The following SYBU variants were observed in gnomAD, a reference collection of about 807,000 sequenced individuals.
The protein encoded by SYBU is syntabulin, also known as GOLSYN A protein.
In SYBU, 21 loss-of-function variants were observed where a neutral mutation model predicts 35.9. The ratio of observed to expected loss-of-function variants is 0.58; its 90% CI spans 0.41 to 0.84. SYBU has a LOEUF of 0.84. Ranked by LOEUF, SYBU falls within the 40% of genes least tolerant of loss-of-function variation. The pLI is 0.00. For missense variants in SYBU, 768 were observed against 848.2 expected (o/e 0.91, Z 1.17); for synonymous variants, 319 against 324.3 (o/e 0.98, Z 0.18).
chr8:109,648,205 C>T (rs1479278493), upstream of SYBU: 1 of 146,538 alleles, frequency 6.8e-6, no homozygotes, highest in East Asian at 2.0e-4. Flanking sequence ...ATATCAATTG[C>T]TTTAGGATTT....
rs377322482 is a variant in SYBU, at chr8:109,596,652, G to A, written c.428-10490C>T. Among the ~76,000 whole-genome samples, 20 of 152,220 alleles carry A rather than the reference G, an allele frequency of 1.3e-4. No individual in the cohort carries two copies. In the South Asian group the frequency reaches 2.9e-3, roughly 22 times the overall value. On this transcript the variant is annotated intron_variant, in intron 3 of 6. Transcript: ENST00000276646. ...CAATTTTCATTCAATATTATATTGC[G>A]AAAATTCTCCATATAGTTGTAGTGT...
chr8:109,654,270 C>T (rs1052825605), intron 1 of SYBU, among the ~76,000 whole-genome samples: 2 of 152,190 alleles, frequency 1.3e-5, no homozygotes, highest in Non-Finnish European at 2.9e-5. Flanking sequence ...AATCCCTACT[C>T]CACTCATGTA....
intron 3 of SYBU, chr8:109,603,353 T>C: frequency 1.0e-6 from 1 of 972,820 alleles, no homozygotes; most frequent in Non-Finnish European, 1.2e-6. Flanking sequence ...TGAAGCATAC[T>C]CACAATTGGA....
At chr8:109,614,543 G>A (rs1040912229) in intron 3 of SYBU, among the ~76,000 whole-genome samples, 9 of 152,216 alleles carry the variant, frequency 5.9e-5, no homozygotes, top group African/African-American at 2.2e-4. Flanking sequence ...CCTAAAAGCA[G>A]GGATGCTGTG....
At chr8:109,683,079 T>G (rs571939386), upstream of SYBU, among the ~76,000 whole-genome samples, 1 of 152,328 alleles carries the variant, frequency 6.6e-6, no homozygotes, top group South Asian at 2.1e-4. Flanking sequence ...GGGCAGAACA[T>G]TCATGGAAAA....
intron 1 of SYBU, among the ~76,000 whole-genome samples, chr8:109,669,225 C>G (rs906759397): frequency 4.0e-5 from 6 of 151,654 alleles, no homozygotes; most frequent in African/African-American, 1.5e-4. Context: ...ACCTGTAGTC[C>G]CAGCTACTCG....
intron 3 of SYBU, among the ~76,000 whole-genome samples, chr8:109,617,330 G>A (rs575069236): frequency 6.6e-6 from 1 of 152,282 alleles, no homozygotes; most frequent in South Asian, 2.1e-4. Flanking sequence ...ACTGGGGAAA[G>A]GGGGAACAGA....
At chr8:109,594,291 T>A (rs1297854759) in intron 3 of SYBU, among the ~76,000 whole-genome samples, 2 of 152,092 alleles carry the variant, frequency 1.3e-5, no homozygotes. Flanking sequence ...GGGCTAGGAT[T>A]TAAGTCTATG....
chr8:109,578,805 T>G (rs907150480), intron 5 of SYBU, among the ~76,000 whole-genome samples: 1 of 152,200 alleles, frequency 6.6e-6, no homozygotes, highest in Non-Finnish European at 1.5e-5. Context: ...TGCCACTGCC[T>G]AAAGATCCTG....
chr8:109,655,601 A>T (rs1404518536), intron 1 of SYBU, among the ~76,000 whole-genome samples: 1 of 152,204 alleles, frequency 6.6e-6, no homozygotes, highest in East Asian at 1.9e-4. Context: ...GAATTCAAAG[A>T]ATACTCTTTG....
chr8:109,690,363 C>T (rs1453809996), intron 1 of SYBU, among the ~76,000 whole-genome samples: 1 of 152,208 alleles, frequency 6.6e-6, no homozygotes, highest in Non-Finnish European at 1.5e-5. Flanking sequence ...GCAAACATTC[C>T]TAACATGTGC....
intron 2 of SYBU, among the ~76,000 whole-genome samples, chr8:109,627,166 T>C (rs1813080012): frequency 1.3e-5 from 2 of 152,176 alleles, no homozygotes; most frequent in African/African-American, 4.8e-5. Flanking sequence ...GGGGAAGTTA[T>C]TGCTAGTTTA....
chr8:109,576,061 A>AC (rs1822268264), intron 6 of SYBU, 48 bp from the exon 7 acceptor site: 1 of 1,496,152 alleles, frequency 6.7e-7, no homozygotes, highest in South Asian at 1.3e-5. Context: ...AAAAAAAAAA[A>AC]AAAAAAAAAC....
intron 2 of SYBU, among the ~76,000 whole-genome samples, chr8:109,630,183 A>G (rs1057400176): frequency 2.7e-5 from 4 of 150,122 alleles, no homozygotes; most frequent in Non-Finnish European, 5.9e-5. Flanking sequence ...ACAAAAAACC[A>G]AACACCGCAT....
chr8:109,576,559 C>T (rs1437094104), intron 6 of SYBU, among the ~76,000 whole-genome samples: 1 of 152,088 alleles, frequency 6.6e-6, no homozygotes, highest in Non-Finnish European at 1.5e-5. Context: ...TTTAGCCTTG[C>T]TAAATTGTTC....
intron 3 of SYBU, chr8:109,603,381 A>G (rs1586801199): frequency 1.0e-6 from 1 of 984,734 alleles, no homozygotes; most frequent in East Asian, 1.1e-4. Flanking sequence ...CTGCTCACAA[A>G]TTATGCTCTG....
Position 109,642,880 on chromosome 8 carries a change from G to C in SYBU, c.77C>G (p.Pro26Arg). ...CATATGGGGCCGAAGAATCAACCGGGGAATTCGGCTTCGAGAAATCTCCTT... is the reference window on the plus strand; with the variant it reads ...CATATGGGGCCGAAGAATCAACCGGCGAATTCGGCTTCGAGAAATCTCCTT... ...HDKEISRSRI[P>R]RLILRPHMPQ... The change falls in exon 2 of 7, where the codon CCC becomes CGC. Residue 26 changes from proline (P) to arginine (R), a missense_variant. Coordinates refer to ENST00000276646, the MANE Select transcript of SYBU (RefSeq NM_001099754.2). The C allele has an allele frequency of 6.3e-7, 1 of 1,593,448 alleles. No individual in the cohort carries two copies. The highest frequency in any genetic ancestry group is 2.3e-5 in the East Asian group (1 of 43,850).
At chr8:109,671,993 C>T (rs754603087) in intron 1 of SYBU, among the ~76,000 whole-genome samples, 3 of 152,044 alleles carry the variant, frequency 2.0e-5, no homozygotes, top group Non-Finnish European at 4.4e-5. Flanking sequence ...TCTCTGCCTC[C>T]CAGTTTCAAG....
At position 109,584,142 on chromosome 8, in the gene SYBU, A is replaced by G. The variant is rs537384351; in HGVS notation, c.530+1918T>C. 6.6e-5 allele frequency among the ~76,000 whole-genome samples: 10 copies of G among 152,280 alleles called. No individual in the cohort carries two copies. The highest frequency in any genetic ancestry group is 2.2e-4 in the African/African-American group (9 of 41,564). ...CTGAGATTTTTAAAAACTGAGGATA[A>G]TGGATAGAACACTGCCATTTTCAAT... On this transcript the variant is annotated intron_variant, in intron 4 of 6. Transcript: ENST00000276646. The surrounding 1 kb of genome is among the most constrained non-coding windows in gnomAD (Gnocchi z 4.0).
Sources: allele counts gnomAD v4.1 joint callset (sites outside exome capture counted in the v4.1 genomes callset), GRCh38; gene constraint gnomAD v4.1.1; non-coding constraint Gnocchi (gnomAD v3.1); transcripts MANE v1.5; gene names NCBI Gene and HGNC (gene_info 2026-07-23, HGNC 2026-07-21).